KCTD1: variants seen among roughly 807,000 people sequenced by gnomAD.
The protein encoded by KCTD1 is BTB/POZ domain-containing protein KCTD1.
In KCTD1, 24 loss-of-function variants were observed where a neutral mutation model predicts 66.0. The observed-to-expected ratio is 0.36, with a 90% confidence interval of 0.26 to 0.51. KCTD1 has a LOEUF of 0.51. Ranked by LOEUF, KCTD1 falls within the 20% of genes least tolerant of loss-of-function variation. The pLI is 0.95. For missense variants in KCTD1, 943 were observed against 1,205.2 expected (o/e 0.78, Z 3.22); for synonymous variants, 511 against 517.2 (o/e 0.99, Z 0.16).
At chr18:26,575,062 A>G (rs1235851820) in intron 1 of KCTD1, among the ~76,000 whole-genome samples, 1 of 152,076 alleles carries the variant, frequency 6.6e-6, no homozygotes, top group East Asian at 1.9e-4. Flanking sequence ...GGAGACATAA[A>G]CCCACAATTT....
At position 26,556,307 on chromosome 18, in the gene KCTD1, G is replaced by C. The variant is rs189163065; in HGVS notation, c.-15-55057C>G. 8.5e-5 allele frequency among the ~76,000 whole-genome samples: 13 copies of C among 152,292 alleles called. No individual in the cohort carries two copies. In the East Asian group the frequency reaches 2.5e-3, roughly 29 times the overall value. On this transcript the variant is annotated intron_variant, in intron 1 of 4. Coordinates refer to the KCTD1 transcript ENST00000317932. ...CTCTCTTCTGTGACCTAAGTTTGCA[G>C]AGCCAGGGCATCATTGCTCCCAGGG...
At chr18:26,549,560 C>T (rs1293473441), upstream of KCTD1, 4 of 783,088 alleles carry the variant, frequency 5.1e-6, no homozygotes, top group South Asian at 1.2e-4. Context: ...GGGCGCCGCC[C>T]TCCCTGCCCC....
intron 1 of KCTD1, among the ~76,000 whole-genome samples, chr18:26,592,099 A>G (rs1986621949): frequency 6.6e-6 from 1 of 152,200 alleles, no homozygotes; most frequent in African/African-American, 2.4e-5. Flanking sequence ...AGTCTTTACC[A>G]TGTGTAATAA....
intron 1 of KCTD1, among the ~76,000 whole-genome samples, chr18:26,533,183 G>A (rs1044038510): frequency 1.4e-4 from 22 of 152,228 alleles, no homozygotes; most frequent in Non-Finnish European, 3.2e-4. Context: ...AATGAGATAT[G>A]TAGTAGCCCT....
intron 1 of KCTD1, among the ~76,000 whole-genome samples, chr18:26,575,882 A>C (rs567257585): frequency 4.1e-4 from 62 of 152,338 alleles, no homozygotes; most frequent in African/African-American, 1.5e-3. Flanking sequence ...ATGAGGCTTT[A>C]AGTGTCAGCT....
intron 1 of KCTD1, among the ~76,000 whole-genome samples, chr18:26,652,134 T>C (rs181077102): frequency 1.1e-3 from 165 of 152,324 alleles, no homozygotes; most frequent in African/African-American, 3.9e-3. Flanking sequence ...GGGTGGCTCC[T>C]CCAGAGAAAG....
chr18:26,546,622 A>T, intron 1 of KCTD1, 106 bp downstream of exon 1: 1 of 1,285,762 alleles, frequency 7.8e-7, no homozygotes, highest in Non-Finnish European at 1.0e-6. Context: ...TCAGTACATT[A>T]CCTACTTTTT....
intron 1 of KCTD1, among the ~76,000 whole-genome samples, chr18:26,637,475 GT>G (rs1208695839): frequency 6.6e-6 from 1 of 152,206 alleles, no homozygotes; most frequent in Non-Finnish European, 1.5e-5. Context: ...TGTGAAATGT[GT>G]TAAGGCTTCT....
Position 26,546,865 on chromosome 18 carries a change from G to A in KCTD1, c.1672C>T (p.Arg558Cys). The change falls in exon 1 of 5, where the codon CGC (arginine) becomes TGC (cysteine). Residue 558 changes from arginine to cysteine, a missense_variant. Transcript: ENST00000580059. Reference sequence around the variant, plus strand: ...ACCGCATCCACAGGCTCCGAGGGGCGGATACAAAGTCTTTTGGGGGAAGTG... The same window carrying A: ...ACCGCATCCACAGGCTCCGAGGGGCAGATACAAAGTCTTTTGGGGGAAGTG... The part of the protein sequence containing the change: ...GPTSPKRLCI[R>C]PSEPVDAVVV... The A allele has an allele frequency of 2.0e-6, 3 of 1,505,576 alleles. No individual in the cohort carries two copies. The highest frequency in any genetic ancestry group is 4.9e-5 in the East Asian group (2 of 40,678). 93.3% of individuals were successfully genotyped at this position (1,505,576 alleles called of 1,614,324 possible). A position where few individuals can be genotyped will look rare whatever the true frequency, so the allele number is the denominator to read the frequency against.
rs988010382 is a variant in KCTD1, at chr18:26,649,893, A to G, written c.9+7467T>C. On this transcript the variant is annotated intron_variant, in intron 1 of 4. Coordinates refer to the KCTD1 transcript ENST00000580191. Reference sequence around the variant, plus strand: ...CCAAGTTTACTTGCCAATGTGTGTCACTGCCATCTGCTGGATGGAATGGGT... The same window carrying G: ...CCAAGTTTACTTGCCAATGTGTGTCGCTGCCATCTGCTGGATGGAATGGGT... 2.6e-5 allele frequency among the ~76,000 whole-genome samples: 4 copies of G among 152,206 alleles called. 1 individual carries two copies. In the South Asian group the frequency reaches 8.3e-4, roughly 32 times the overall value.
chr18:26,615,712 T>A (rs1987234938), intron 1 of KCTD1, among the ~76,000 whole-genome samples: 1 of 152,228 alleles, frequency 6.6e-6, no homozygotes, highest in South Asian at 2.1e-4. Context: ...TTTTTATTGG[T>A]TGGAGACAAA....
At chr18:26,518,071 C>T (rs937389361) in intron 1 of KCTD1, among the ~76,000 whole-genome samples, 2 of 152,104 alleles carry the variant, frequency 1.3e-5, no homozygotes, top group Non-Finnish European at 2.9e-5. Flanking sequence ...GTTTGCTGTA[C>T]ACCCCCATCT....
At chr18:26,580,878 G>T (rs553665762) in intron 1 of KCTD1, among the ~76,000 whole-genome samples, 7 of 152,278 alleles carry the variant, frequency 4.6e-5, no homozygotes, top group African/African-American at 1.7e-4. Context: ...AGTTTTACTG[G>T]AACACAGCCA....
At chr18:26,642,822 G>C (rs1238761875), upstream of KCTD1, among the ~76,000 whole-genome samples, 1 of 137,590 alleles carries the variant, frequency 7.3e-6, no homozygotes, top group East Asian at 2.4e-4. Flanking sequence ...AAAGGCGTAA[G>C]AATGCACTAA....
intron 1 of KCTD1, among the ~76,000 whole-genome samples, chr18:26,546,118 TTA>T (rs1274062737): frequency 6.6e-6 from 1 of 152,076 alleles, no homozygotes; most frequent in Non-Finnish European, 1.5e-5. Flanking sequence ...CGTTCCCACT[TTA>T]GTTTATGGAA....
upstream of KCTD1, among the ~76,000 whole-genome samples, chr18:26,550,484 C>T (rs373770263): frequency 6.6e-6 from 1 of 152,070 alleles, no homozygotes; most frequent in East Asian, 1.9e-4. This position sits in a 1 kb window ranked among gnomAD's most constrained non-coding sequence, Gnocchi z 5.4. Context: ...TCGGGGAAAC[C>T]GCGCCAGGTG....
upstream of KCTD1, chr18:26,548,918 G>C (rs1474112123): frequency 1.0e-6 from 1 of 989,314 alleles, no homozygotes; most frequent in African/African-American, 1.7e-5. Flanking sequence ...CGCGGGCCCG[G>C]GCGGGAGAGA....
At chr18:26,479,843 T>C (rs1349617922) in intron 2 of KCTD1, among the ~76,000 whole-genome samples, 1 of 152,128 alleles carries the variant, frequency 6.6e-6, no homozygotes, top group Non-Finnish European at 1.5e-5. Flanking sequence ...GCTAAGCAAA[T>C]AATGGGGAAA....
chr18:26,466,907 T>C (rs1980763740), intron 3 of KCTD1, among the ~76,000 whole-genome samples: 1 of 152,160 alleles, frequency 6.6e-6, no homozygotes, highest in Non-Finnish European at 1.5e-5. Context: ...CAAATCGAGA[T>C]GGCAGGACAT....
Sources: gnomAD v4.1 joint callset for allele counts (sites outside exome capture counted in the v4.1 genomes callset) on GRCh38, gnomAD v4.1.1 for gene constraint, Gnocchi (gnomAD v3.1) non-coding constraint, MANE v1.5 for transcripts, NCBI Gene and HGNC (gene_info 2026-07-23, HGNC 2026-07-21) for gene names.